ZNF24: variants seen among roughly 807,000 people sequenced by gnomAD.
The protein encoded by ZNF24 is zinc finger protein 24.
ZNF24 carries 11 observed loss-of-function variants against 40.9 expected under a neutral mutation model. The observed-to-expected ratio is 0.27, with a 90% CI of 0.17 to 0.45. ZNF24 has a LOEUF of 0.45. ZNF24 is among the 20% of genes least tolerant of loss of function. The probability of loss-of-function intolerance (pLI) is 1.00; values close to 1 mark genes in which losing one functional copy is unlikely to be tolerated. For synonymous variants in ZNF24, 139 were observed against 154.7 expected, an observed-to-expected ratio of 0.90 and a Z score of 0.75; for missense variants, 293 against 437.7, an observed-to-expected ratio of 0.67 and a Z score of 2.95.
At chr18:35,343,078 T>A (rs145720108) in intron 1 of ZNF24, among the ~76,000 whole-genome samples, 9 of 152,318 alleles carry the variant, frequency 5.9e-5, no homozygotes, top group African/African-American at 2.2e-4. Flanking sequence ...TTAAAAAATA[T>A]TTTTAAGGTG....
intron 1 of ZNF24, chr18:35,344,034 C>T (rs1389616666): frequency 6.6e-6 from 1 of 152,282 alleles, no homozygotes; most frequent in Non-Finnish European, 1.5e-5. Context: ...CCACTACCAC[C>T]CCCTCCCATC....
rs186303978 is a variant in ZNF24, at chr18:35,335,352, C to T, written c.*1880G>A. The T allele has an allele frequency of 1.3e-5, 2 of 152,302 alleles. No homozygotes were observed. Among genetic ancestry groups the T allele is most frequent in the African/African-American group, 2.4e-5 (1 of 41,556 alleles). The allele number at this position is 152,302 out of a possible 1,614,324, so 9.4% of individuals were successfully genotyped here. A position where few individuals can be genotyped will look rare whatever the true frequency, so the allele number is the denominator to read the frequency against. On this transcript the variant is annotated 3_prime_UTR_variant, in exon 4 of 4. Coordinates refer to ENST00000261332, the MANE Select transcript of ZNF24 (RefSeq NM_006965.4). ...CTTAAAATACATTATATCATTACTA[C>T]ATATTTATACTTCAATAAATCTTAA...
intron 3 of ZNF24, chr18:35,338,993 C>T: frequency 6.5e-7 from 1 of 1,533,000 alleles, no homozygotes; most frequent in Non-Finnish European, 8.7e-7. Flanking sequence ...TGGCACTGTC[C>T]CCTCAGATGT....
rs760776853 is a variant in ZNF24 at position 35,337,391 on chromosome 18, A to G, written c.948T>C (p.Phe316=). 6 of 1,614,094 alleles carry G rather than the reference A, an allele frequency of 3.7e-6. No individual in the cohort carries two copies. The highest frequency in any genetic ancestry group is 4.2e-6 in the Non-Finnish European group (5 of 1,179,956). The part of the protein sequence containing the change: ...PYKCLECGKA[F]SQNSGLINHQ... ...GATTAATAAGCCCCGAATTCTGGCT[A>G]AAGGCTTTCCCACATTCAAGACATT... The change falls in exon 4 of 4, where the codon TTT becomes TTC. Residue 316 remains phenylalanine, a synonymous_variant. Coordinates refer to ENST00000261332, the MANE Select transcript of ZNF24 (RefSeq NM_006965.4).
chr18:35,342,125 G>A (rs886364274), intron 1 of ZNF24, among the ~76,000 whole-genome samples: 1 of 152,086 alleles, frequency 6.6e-6, no homozygotes, highest in African/African-American at 2.4e-5. Flanking sequence ...GAACCCGCGA[G>A]GTGGAGGCTG....
At position 35,335,720 on chromosome 18, in the gene ZNF24, CAA is replaced by C. The variant is rs2044900606; in HGVS notation, c.*1510_*1511del. On this transcript the variant is annotated 3_prime_UTR_variant, in exon 4 of 4. Transcript: ENST00000261332. Reference sequence around the variant, plus strand: ...CAAGGAGTATATAATCCTACTACTACAATGTATTACTTTAATACATTTTAAAA... The same window carrying C: ...CAAGGAGTATATAATCCTACTACTACTGTATTACTTTAATACATTTTAAAA... 6.6e-6 allele frequency: 1 copy of C among 151,946 alleles called. No homozygotes were observed. The highest frequency in any genetic ancestry group is 6.6e-5 in the Admixed American group (1 of 15,260). 9.4% of individuals were successfully genotyped at this position (151,946 alleles called of 1,614,324 possible).
In ZNF24 at chr18:35,336,136, A is replaced by T. The variant is rs1376010643; in HGVS notation, c.*1096T>A. The stretch of plus-strand genomic sequence containing the variant: ...AACCCCTATGATTTACAGTGGAAGA[A>T]ATACCTACCTACTTATGGTAGGATT... On this transcript the variant is annotated 3_prime_UTR_variant, in exon 4 of 4. Coordinates refer to ENST00000261332, the MANE Select transcript of ZNF24 (RefSeq NM_006965.4). The T allele has an allele frequency of 6.6e-6, 1 of 152,656 alleles. No homozygotes were observed. Among genetic ancestry groups the T allele is most frequent in the Admixed American group, 6.5e-5 (1 of 15,274 alleles). 9.5% of individuals were successfully genotyped at this position (152,656 alleles called of 1,614,324 possible).
At chr18:35,343,355 C>G (rs887362414) in intron 1 of ZNF24, among the ~76,000 whole-genome samples, 1 of 152,154 alleles carries the variant, frequency 6.6e-6, no homozygotes, top group African/African-American at 2.4e-5. Context: ...TGTCCTTACA[C>G]TGGAGGACTC....
chr18:35,339,022 C>A, intron 3 of ZNF24: 1 of 1,535,990 alleles, frequency 6.5e-7, no homozygotes, highest in African/African-American at 1.4e-5. Context: ...CCTGCTCAGA[C>A]CTCATTCAGT....
chr18:35,337,002 T>G lies in ZNF24; in HGVS notation c.*230A>C. 2.6e-6 allele frequency: 1 copy of G among 390,492 alleles called. No homozygotes were observed. Among genetic ancestry groups the G allele is most frequent in the South Asian group, 9.8e-5 (1 of 10,176 alleles). The allele number at this position is 390,492 out of a possible 1,614,324, so 24.2% of individuals were successfully genotyped here. A position where few individuals can be genotyped will look rare whatever the true frequency, so the allele number is the denominator to read the frequency against. On this transcript the variant is annotated 3_prime_UTR_variant, in exon 4 of 4. Transcript: ENST00000261332. ...AGACTATAAACATCACATGGAAAATTTAGGCATTAAGACCTGAATTAAGTT... is the reference window on the plus strand; with the variant it reads ...AGACTATAAACATCACATGGAAAATGTAGGCATTAAGACCTGAATTAAGTT...
intron 3 of ZNF24, among the ~76,000 whole-genome samples, chr18:35,339,290 CT>C (rs1291566052): frequency 6.6e-6 from 1 of 152,006 alleles, no homozygotes; most frequent in Admixed American, 6.6e-5. Flanking sequence ...GCTAAGGAGG[CT>C]TTTTTTGCAT....
At position 35,337,691 on chromosome 18, in the gene ZNF24, A is replaced by G. The variant is rs756903314; in HGVS notation, c.648T>C (p.Pro216=). ...LPSALESHEV[P]GTLNMGVPQI... ...GAGGAACACCCATATTGAGAGTGCC[A>G]GGAACTTCATGGGATTCTAATGCTG... Residue 216 remains proline (P), a synonymous_variant, in exon 4 of 4, where the codon CCT becomes CCC. Coordinates refer to ENST00000261332, the MANE Select transcript of ZNF24 (RefSeq NM_006965.4). 2.5e-6 allele frequency: 4 copies of G among 1,613,138 alleles called. No homozygotes were observed. The African/African-American group carries it at 5.3e-5, about 22-fold the overall frequency.
rs939903531 is a variant in ZNF24, at chr18:35,336,917, A to ATTT, written c.*314_*315insAAA. Reference sequence around the variant, plus strand: ...GCAGAAATAATGTATTTGTCTTAAAAAAGAAACTTTCAAGAAAGGGACAAT... The same window carrying ATTT: ...GCAGAAATAATGTATTTGTCTTAAAATTTAAGAAACTTTCAAGAAAGGGACAAT... On this transcript the variant is annotated 3_prime_UTR_variant, in exon 4 of 4. Transcript: ENST00000261332. 1 of 225,786 alleles carries ATTT rather than the reference A, an allele frequency of 4.4e-6. No homozygotes were observed. The highest frequency in any genetic ancestry group is 2.3e-5 in the African/African-American group (1 of 44,332). 14.0% of individuals were successfully genotyped at this position (225,786 alleles called of 1,614,324 possible). A position where few individuals can be genotyped will look rare whatever the true frequency, so the allele number is the denominator to read the frequency against.
chr18:35,337,600 G>T lies in ZNF24; in HGVS notation c.739C>A (p.Arg247=). ...GRFERKRNPS[R]KKQHICDECG... is the part of the protein sequence containing the mutation. The stretch of plus-strand genomic sequence containing the variant: ...TCATCACATATATGTTGTTTCTTTC[G>T]AGAGGGATTTCTCTTTCTTTCAAAC... The change falls in exon 4 of 4, where the codon CGA becomes AGA. Residue 247 remains arginine, a synonymous_variant. Transcript: ENST00000261332. The T allele has an allele frequency of 1.2e-6, 2 of 1,614,032 alleles. No homozygotes were observed. Among genetic ancestry groups the T allele is most frequent in the South Asian group, 2.2e-5 (2 of 91,070 alleles).
Position 35,340,843 on chromosome 18 carries a change from C to T in ZNF24, c.-83-110G>A, listed in dbSNP as rs2044962741. 6.8e-6 allele frequency: 4 copies of T among 586,278 alleles called. No individual in the cohort carries two copies. Among genetic ancestry groups the T allele is most frequent in the Non-Finnish European group, 1.1e-5 (4 of 348,606 alleles). 36.3% of individuals were successfully genotyped at this position (586,278 alleles called of 1,614,324 possible). A position where few individuals can be genotyped will look rare whatever the true frequency, so the allele number is the denominator to read the frequency against. Reference sequence around the variant, plus strand: ...TGTTCTTTGAGTTAAAAATTCCAATCAATAACCTACACCAGGAATTGGCAA... The same window carrying T: ...TGTTCTTTGAGTTAAAAATTCCAATTAATAACCTACACCAGGAATTGGCAA... On this transcript the variant is annotated intron_variant, in intron 1 of 3. Coordinates refer to ENST00000261332, the MANE Select transcript of ZNF24 (RefSeq NM_006965.4). This position sits in a 1 kb window ranked among gnomAD's most constrained non-coding sequence, Gnocchi z 4.6.
intron 1 of ZNF24, chr18:35,342,498 T>C (rs763739984): frequency 2.0e-5 from 3 of 151,904 alleles, no homozygotes; most frequent in Non-Finnish European, 4.4e-5. Context: ...CAACTTCCAA[T>C]CCAGCGAGGT....
At chr18:35,342,646 A>G (rs1325687864) in intron 1 of ZNF24, 1 of 152,176 alleles carries the variant, frequency 6.6e-6, no homozygotes, top group African/African-American at 2.4e-5. Context: ...AGTATTCAGT[A>G]CAGCAACATG....
In ZNF24 at chr18:35,332,337, A is replaced by G. The variant is rs2044866255; in HGVS notation, c.*4895T>C. The stretch of plus-strand genomic sequence containing the variant: ...AAGAAAATACAAATAACCTATATTA[A>G]TCAGAACAGAAACTCAATTCAATTA... On this transcript the variant is annotated 3_prime_UTR_variant, in exon 4 of 4. Transcript: ENST00000261332. 6.6e-6 allele frequency: 1 copy of G among 152,238 alleles called. No homozygotes were observed. The highest frequency in any genetic ancestry group is 1.5e-5 in the Non-Finnish European group (1 of 68,038). The allele number at this position is 152,238 out of a possible 1,614,324, so 9.4% of individuals were successfully genotyped here.
In ZNF24 at chr18:35,340,758, T is replaced by G; in HGVS notation, c.-83-25A>C. On this transcript the variant is annotated intron_variant, in intron 1 of 3. Coordinates refer to ENST00000261332, the MANE Select transcript of ZNF24 (RefSeq NM_006965.4). This position sits in a 1 kb window ranked among gnomAD's most constrained non-coding sequence, Gnocchi z 4.6. The stretch of plus-strand genomic sequence containing the variant: ...CCTGAGGCATAAGAAATAAAAGATA[T>G]ATAAATAAGCAAAAATATCCTAAGA... 3.1e-6 allele frequency: 3 copies of G among 961,574 alleles called. No homozygotes were observed. Among genetic ancestry groups the G allele is most frequent in the Non-Finnish European group, 4.5e-6 (3 of 667,444 alleles). The allele number at this position is 961,574 out of a possible 1,614,324, so 59.6% of individuals were successfully genotyped here. A position where few individuals can be genotyped will look rare whatever the true frequency, so the allele number is the denominator to read the frequency against.
Sources: allele counts gnomAD v4.1 joint callset (sites outside exome capture counted in the v4.1 genomes callset), GRCh38; gene constraint gnomAD v4.1.1; non-coding constraint Gnocchi (gnomAD v3.1); transcripts MANE v1.5; gene names NCBI Gene and HGNC (gene_info 2026-07-23, HGNC 2026-07-21).